The following CCDC171 variants were observed in gnomAD, a reference collection of about 807,000 sequenced individuals.
The protein encoded by CCDC171 is coiled-coil domain-containing protein 171.
A neutral mutation model predicts 168.2 loss-of-function variants in CCDC171; 177 were observed. The observed-to-expected ratio is 1.05, with a 90% confidence interval of 0.93 to 1.19. CCDC171 has a LOEUF of 1.19. Among genes scored for constraint, CCDC171 ranks in the 50% most tolerant of loss-of-function variants. The pLI is 0.00. For missense variants in CCDC171, 1,991 were observed against 1,539.0 expected (o/e 1.29, Z -4.91); for synonymous variants, 687 against 540.8 (o/e 1.27, Z -3.75).
rs563374463 is a variant in CCDC171 at position 15,929,063 on chromosome 9, CATATT to C, written c.3753+8643_3753+8647del. ...AAGTATACATTCATATAATATAAAA[CATATT>C]AGATATATATTATTTTGCATATCAG... On this transcript the variant is annotated intron_variant, in intron 25 of 25. Transcript: ENST00000380701. 5.1e-3 allele frequency among the ~76,000 whole-genome samples: 774 copies of C among 151,086 alleles called. 9 individuals are homozygous for C. The highest frequency in any genetic ancestry group is 0.018 in the African/African-American group (725 of 41,340).
intron 9 of CCDC171, among the ~76,000 whole-genome samples, chr9:15,667,096 A>T (rs1024522514): frequency 1.3e-5 from 2 of 152,188 alleles, no homozygotes; most frequent in Non-Finnish European, 2.9e-5. Flanking sequence ...AACCTTTTTC[A>T]GTTTAAAAGC....
chr9:15,995,995 C>G (rs1289323064), intron 3 of CCDC171, among the ~76,000 whole-genome samples: 1 of 152,158 alleles, frequency 6.6e-6, no homozygotes, highest in Admixed American at 6.5e-5. Flanking sequence ...GTAGTTTATT[C>G]TTCTGTTTCT....
At chr9:15,778,893 T>A in intron 19 of CCDC171, 75 bp from the exon 20 acceptor site, 1 of 1,067,726 alleles carries the variant, frequency 9.4e-7, no homozygotes, top group Non-Finnish European at 1.3e-6. Context: ...TTACATTTAA[T>A]TTAGTAAAAT....
At chr9:15,765,996 A>T (rs930773071) in intron 18 of CCDC171, among the ~76,000 whole-genome samples, 6 of 152,148 alleles carry the variant, frequency 3.9e-5, no homozygotes, top group African/African-American at 1.4e-4. Context: ...TCCAGAGCGG[A>T]GGACACGTTT....
At chr9:15,728,382 C>G (rs1374820635) in intron 15 of CCDC171, among the ~76,000 whole-genome samples, 1 of 152,132 alleles carries the variant, frequency 6.6e-6, no homozygotes, top group Non-Finnish European at 1.5e-5. Context: ...TAAACCAACT[C>G]TTTATGTTAG....
intron 10 of CCDC171, 136 bp downstream of exon 10, chr9:15,679,032 A>G: frequency 5.0e-6 from 3 of 603,142 alleles, no homozygotes; most frequent in East Asian, 6.8e-5. Flanking sequence ...CAAAATTTCC[A>G]AAACTGGAAA....
intron 25 of CCDC171, among the ~76,000 whole-genome samples, chr9:15,925,832 C>A (rs778317962): frequency 2.6e-5 from 4 of 151,696 alleles, no homozygotes; most frequent in Non-Finnish European, 5.9e-5. Context: ...TTTGTACCAT[C>A]ATCTCTGAAA....
At chr9:15,957,338 A>T (rs1829901105) in intron 25 of CCDC171, among the ~76,000 whole-genome samples, 1 of 152,192 alleles carries the variant, frequency 6.6e-6, no homozygotes, top group African/African-American at 2.4e-5. Context: ...AGCGAAAGCC[A>T]GTCAAGTGTG....
At chr9:15,569,145 T>C (rs2039995771) in intron 2 of CCDC171, among the ~76,000 whole-genome samples, 1 of 152,262 alleles carries the variant, frequency 6.6e-6, no homozygotes, top group Non-Finnish European at 1.5e-5. Flanking sequence ...GCTCTTTTAA[T>C]AGGCCTTTTC....
chr9:15,761,451 T>C (rs563645231), intron 18 of CCDC171, among the ~76,000 whole-genome samples: 2 of 152,290 alleles, frequency 1.3e-5, no homozygotes, highest in East Asian at 1.9e-4. Flanking sequence ...AGAATCTTGC[T>C]ACTCCAAGTG....
intron 20 of CCDC171, among the ~76,000 whole-genome samples, chr9:15,782,051 G>C (rs1158803487): frequency 6.6e-6 from 1 of 151,878 alleles, no homozygotes; most frequent in African/African-American, 2.4e-5. Flanking sequence ...GCTAATAAAG[G>C]GTTGTTATAT....
intron 21 of CCDC171, among the ~76,000 whole-genome samples, chr9:15,823,011 A>T (rs1273001524): frequency 6.6e-6 from 1 of 152,172 alleles, no homozygotes; most frequent in Non-Finnish European, 1.5e-5. Flanking sequence ...AGCCATAAAA[A>T]ATGGTGAGTT....
chr9:15,695,761 A>G (rs1030895778), intron 11 of CCDC171, among the ~76,000 whole-genome samples: 3 of 152,226 alleles, frequency 2.0e-5, no homozygotes, highest in Non-Finnish European at 4.4e-5. Flanking sequence ...CGCATGTTCT[A>G]TACTTTCCAA....
At chr9:15,589,468 G>A (rs2041831317) in intron 4 of CCDC171, among the ~76,000 whole-genome samples, 1 of 152,138 alleles carries the variant, frequency 6.6e-6, no homozygotes, top group South Asian at 2.1e-4. Context: ...AAAAGTCAGA[G>A]TCTGCTTGTG....
chr9:15,713,119 A>T (rs2052800781), intron 11 of CCDC171, among the ~76,000 whole-genome samples: 5 of 152,164 alleles, frequency 3.3e-5, no homozygotes, highest in African/African-American at 7.2e-5. Flanking sequence ...GAATTGGTGT[A>T]TATTTGTATA....
chr9:15,886,234 C>G (rs545652315), intron 24 of CCDC171: 13 of 152,182 alleles, frequency 8.5e-5, no homozygotes, highest in African/African-American at 3.1e-4. Flanking sequence ...AACTGTATAT[C>G]CAGTAAGGAG....
At chr9:16,108,499 A>G in the CCDC171 span, among the ~76,000 whole-genome samples, 1 of 152,222 alleles carries the variant, frequency 6.6e-6, no homozygotes, top group East Asian at 1.9e-4. Flanking sequence ...TGCCGCCCAT[A>G]GGCACTAGTT....
chr9:15,564,501 C>T (rs540243308), intron 2 of CCDC171, among the ~76,000 whole-genome samples: 1 of 152,214 alleles, frequency 6.6e-6, no homozygotes, highest in Non-Finnish European at 1.5e-5. Flanking sequence ...ATTGGCCCAG[C>T]TCTAATTCAT....
At chr9:15,599,793 C>T (rs907175239) in intron 6 of CCDC171, among the ~76,000 whole-genome samples, 8 of 152,138 alleles carry the variant, frequency 5.3e-5, no homozygotes, top group Non-Finnish European at 4.4e-5. Context: ...ACCCATCAGA[C>T]GTAGATTTGG....
Sources: gnomAD v4.1 joint callset for allele counts (sites outside exome capture counted in the v4.1 genomes callset) on GRCh38, gnomAD v4.1.1 for gene constraint, MANE v1.5 for transcripts, NCBI Gene and HGNC (gene_info 2026-07-23, HGNC 2026-07-21) for gene names.